The following ATF7IP variants were observed in gnomAD, a reference collection of about 807,000 sequenced individuals.
ATF7IP encodes the protein activating transcription factor 7-interacting protein 1.
Under a neutral mutation model 106.4 loss-of-function variants are expected in ATF7IP, and 23 were observed. That is an observed-to-expected ratio of 0.22 (90% CI 0.16 to 0.31). The LOEUF is 0.31. Among genes scored for constraint, ATF7IP ranks in the 10% least tolerant of loss-of-function variants. ATF7IP has a pLI of 1.00. For synonymous variants in ATF7IP, 542 were observed against 539.0 expected, an observed-to-expected ratio of 1.01 and a Z score of -0.08; for missense variants, 1,334 against 1,524.3, an observed-to-expected ratio of 0.88 and a Z score of 2.08.
intron 5 of ATF7IP, among the ~76,000 whole-genome samples, chr12:14,440,173 CTTGA>C (rs1181879745): frequency 6.6e-6 from 1 of 152,176 alleles, no homozygotes. Flanking sequence ...CAAGTTACAA[CTTGA>C]TTATTTCCTA....
chr12:14,452,210 T>G (rs1016439948), intron 6 of ATF7IP, among the ~76,000 whole-genome samples: 2 of 152,204 alleles, frequency 1.3e-5, no homozygotes, highest in East Asian at 3.9e-4. Context: ...TTTCCATCCT[T>G]TCACTTTCAT....
intron 13 of ATF7IP, among the ~76,000 whole-genome samples, chr12:14,494,329 A>ATGTGTGTGTG (rs1459016569): frequency 3.2e-5 from 3 of 93,036 alleles, no homozygotes; most frequent in African/African-American, 1.4e-4. Flanking sequence ...ATATATATAT[A>ATGTGTGTGTG]TATATGTGTG....
intron 2 of ATF7IP, among the ~76,000 whole-genome samples, chr12:14,426,652 C>A (rs1025602852): frequency 4.0e-5 from 6 of 149,178 alleles, no homozygotes; most frequent in Admixed American, 6.7e-5. Flanking sequence ...CATGGTGAGA[C>A]CCCGTCTCTA....
At chr12:14,398,743 C>G (rs901364119) in intron 1 of ATF7IP, among the ~76,000 whole-genome samples, 1 of 151,360 alleles carries the variant, frequency 6.6e-6, no homozygotes, top group African/African-American at 2.4e-5. Context: ...GGACATATCT[C>G]TTTTTTTTGT....
intron 1 of ATF7IP, among the ~76,000 whole-genome samples, chr12:14,366,087 G>C (rs370249569): frequency 6.6e-6 from 1 of 152,180 alleles, no homozygotes; most frequent in Non-Finnish European, 1.5e-5. Context: ...ACGCCATTTG[G>C]GTTCTAGATT....
chr12:14,427,387 G>C (rs1267587025), intron 2 of ATF7IP, among the ~76,000 whole-genome samples: 1 of 151,224 alleles, frequency 6.6e-6, no homozygotes, highest in Non-Finnish European at 1.5e-5. Flanking sequence ...TTCCGAGATG[G>C]AGTCTCGCTC....
intron 1 of ATF7IP, among the ~76,000 whole-genome samples, chr12:14,422,877 G>C (rs986151857): frequency 6.6e-6 from 1 of 152,080 alleles, no homozygotes; most frequent in Non-Finnish European, 1.5e-5. Flanking sequence ...ACAAGTTTTT[G>C]TGTGGACATA....
chr12:14,492,457 C>T (rs112632230), intron 13 of ATF7IP, among the ~76,000 whole-genome samples: 6,496 of 152,158 alleles, frequency 0.043, 491 homozygotes, highest in African/African-American at 0.15. Flanking sequence ...CTCAAGGGGA[C>T]GAGGCCTCCC....
intron 1 of ATF7IP, among the ~76,000 whole-genome samples, chr12:14,407,278 A>C (rs1334313960): frequency 6.6e-6 from 1 of 152,228 alleles, no homozygotes; most frequent in Non-Finnish European, 1.5e-5. Flanking sequence ...ATTAATAAAT[A>C]GCATTGGTTT....
intron 1 of ATF7IP, among the ~76,000 whole-genome samples, chr12:14,397,312 G>A (rs551202193): frequency 5.3e-4 from 81 of 152,310 alleles, no homozygotes; most frequent in South Asian, 3.7e-3. Context: ...AAGTGTTTGT[G>A]TTCCTTTTAA....
At chr12:14,460,386 C>T in intron 8 of ATF7IP, 109 bp from the exon 9 acceptor site, 1 of 1,069,560 alleles carries the variant, frequency 9.3e-7, no homozygotes, top group Non-Finnish European at 1.3e-6. Context: ...AAAGACTTTA[C>T]AGTCTTTGCA....
At chr12:14,392,274 G>A (rs938101125) in intron 1 of ATF7IP, among the ~76,000 whole-genome samples, 5 of 151,900 alleles carry the variant, frequency 3.3e-5, no homozygotes, top group African/African-American at 1.2e-4. Flanking sequence ...AGGAAGAATG[G>A]AGTTGGGAGA....
intron 10 of ATF7IP, among the ~76,000 whole-genome samples, chr12:14,468,889 A>C (rs901615585): frequency 6.6e-6 from 1 of 152,156 alleles, no homozygotes; most frequent in African/African-American, 2.4e-5. Flanking sequence ...TACACTATTG[A>C]CTAAGAAGTT....
At chr12:14,401,583 C>CT (rs34109322) in intron 1 of ATF7IP, among the ~76,000 whole-genome samples, 41 of 145,206 alleles carry the variant, frequency 2.8e-4, no homozygotes, top group South Asian at 2.6e-3. Flanking sequence ...CTGTTGTACT[C>CT]TTTTTTTTTT....
rs1182382213 is a variant in ATF7IP, at chr12:14,502,578, A to T, written c.*4505A>T. The T allele has an allele frequency of 6.6e-6, 1 of 152,110 alleles. No individual in the cohort carries two copies. The highest frequency in any genetic ancestry group is 1.5e-5 in the Non-Finnish European group (1 of 68,028). The allele number at this position is 152,110 out of a possible 1,614,324, so 9.4% of individuals were successfully genotyped here. A position where few individuals can be genotyped will look rare whatever the true frequency, so the allele number is the denominator to read the frequency against. On this transcript the variant is annotated 3_prime_UTR_variant, in exon 15 of 15. Coordinates refer to ENST00000261168, the MANE Select transcript of ATF7IP (RefSeq NM_018179.5). ...GTTTTGTAAATAAGGTAACTGGGCAATCAAACACCTTTTGGGGATTCTGGC... is the reference window on the plus strand; with the variant it reads ...GTTTTGTAAATAAGGTAACTGGGCATTCAAACACCTTTTGGGGATTCTGGC...
At chr12:14,413,803 A>G (rs1183716109) in intron 1 of ATF7IP, among the ~76,000 whole-genome samples, 3 of 152,146 alleles carry the variant, frequency 2.0e-5, no homozygotes, top group African/African-American at 7.2e-5. Context: ...TAAAAGGCAG[A>G]ATTTATAAGG....
At chr12:14,397,450 T>C (rs1222012318) in intron 1 of ATF7IP, among the ~76,000 whole-genome samples, 1 of 152,238 alleles carries the variant, frequency 6.6e-6, no homozygotes, top group African/African-American at 2.4e-5. Context: ...TCCTGACAGA[T>C]AATTATCTAG....
Position 14,452,276 on chromosome 12 carries a change from T to A in ATF7IP, c.1996-4285T>A, listed in dbSNP as rs189052077. ...CTCTTGTAGGCACCATATAGTTGGA[T>A]CTTATTTTAAAAAACATTAAGTCAA... On this transcript the variant is annotated intron_variant, in intron 6 of 14. Transcript: ENST00000261168. Among the ~76,000 whole-genome samples, 5 of 152,292 alleles carry A rather than the reference T, an allele frequency of 3.3e-5. No homozygotes were observed. The East Asian group carries it at 9.6e-4, about 29-fold the overall frequency.
At chr12:14,409,310 A>G (rs1354394327) in intron 1 of ATF7IP, among the ~76,000 whole-genome samples, 1 of 152,142 alleles carries the variant, frequency 6.6e-6, no homozygotes, top group Non-Finnish European at 1.5e-5. Context: ...TGACAAAGCC[A>G]TATGTAACAT....
Sources: allele counts gnomAD v4.1 joint callset (sites outside exome capture counted in the v4.1 genomes callset), GRCh38; gene constraint gnomAD v4.1.1; transcripts MANE v1.5; gene names NCBI Gene and HGNC (gene_info 2026-07-23, HGNC 2026-07-21).